MAGI2: variants seen among roughly 807,000 people sequenced by gnomAD.
The protein encoded by MAGI2 is membrane associated guanylate kinase, WW and PDZ domain containing 2.
In MAGI2, 35 loss-of-function variants were observed where a neutral mutation model predicts 133.3. That is an observed-to-expected ratio of 0.26 (90% confidence interval 0.20 to 0.35). The LOEUF is 0.35. Ranked by LOEUF, MAGI2 falls within the 10% of genes least tolerant of loss-of-function variation. The probability of loss-of-function intolerance (pLI) is 1.00; values close to 1 mark genes in which losing one functional copy is unlikely to be tolerated. For missense variants in MAGI2, 1,636 were observed against 1,863.4 expected (o/e 0.88, Z 2.25); for synonymous variants, 729 against 710.6 (o/e 1.03, Z -0.41).
At chr7:78,524,992 A>G (rs1052453562) in intron 3 of MAGI2, among the ~76,000 whole-genome samples, 1 of 151,958 alleles carries the variant, frequency 6.6e-6, no homozygotes, top group African/African-American at 2.4e-5. Context: ...AATTTCCCTG[A>G]AGTAAAAAAA....
chr7:78,892,814 C>A (rs1796878095), intron 2 of MAGI2, among the ~76,000 whole-genome samples: 1 of 152,082 alleles, frequency 6.6e-6, no homozygotes, highest in African/African-American at 2.4e-5. Context: ...AGGACATAGG[C>A]ATGGGCAAGG....
At chr7:78,611,008 C>A (rs551911368) in intron 3 of MAGI2, among the ~76,000 whole-genome samples, 1 of 152,324 alleles carries the variant, frequency 6.6e-6, no homozygotes, top group South Asian at 2.1e-4. Flanking sequence ...AGTTACTAAA[C>A]ATCTTTACGC....
intron 3 of MAGI2, among the ~76,000 whole-genome samples, chr7:78,555,199 T>C (rs1438152586): frequency 8.9e-6 from 1 of 111,940 alleles, no homozygotes; most frequent in Non-Finnish European, 1.9e-5. Flanking sequence ...GTTGGATGGA[T>C]GGATAGATAG....
Position 78,494,615 on chromosome 7 carries a change from C to A in MAGI2, c.966-4775G>T, listed in dbSNP as rs539521745. Among the ~76,000 whole-genome samples the A allele has an allele frequency of 7.2e-5, 11 of 152,246 alleles. No individual in the cohort carries two copies. The East Asian group carries it at 1.9e-3, about 27-fold the overall frequency. ...ATTAAAACATGTTCTCCTTTCCTTT[C>A]TAATTTCTTTCTGTTTTCTTTTCTT... On this transcript the variant is annotated intron_variant, in intron 5 of 21. Coordinates refer to ENST00000354212, the MANE Select transcript of MAGI2 (RefSeq NM_012301.4).
At chr7:79,210,396 G>C (rs916438189) in intron 1 of MAGI2, among the ~76,000 whole-genome samples, 1 of 152,002 alleles carries the variant, frequency 6.6e-6, no homozygotes, top group Non-Finnish European at 1.5e-5. Flanking sequence ...GATTGATCAG[G>C]ATTCCTATTT....
At chr7:78,397,366 T>TGCAC in intron 6 of MAGI2, among the ~76,000 whole-genome samples, 1 of 147,704 alleles carries the variant, frequency 6.8e-6, no homozygotes, top group South Asian at 2.1e-4. Flanking sequence ...TTGAAATTCC[T>TGCAC]ACACACACAC....
intron 2 of MAGI2, among the ~76,000 whole-genome samples, chr7:78,784,507 G>T (rs1346545538): frequency 1.3e-5 from 2 of 152,152 alleles, no homozygotes; most frequent in Non-Finnish European, 2.9e-5. Flanking sequence ...CTGTCTAGGG[G>T]TTGGCCATAA....
intron 2 of MAGI2, among the ~76,000 whole-genome samples, chr7:78,717,720 A>C (rs1358503657): frequency 2.6e-5 from 4 of 152,206 alleles, no homozygotes; most frequent in Non-Finnish European, 5.9e-5. Flanking sequence ...TATTCTTTGA[A>C]GTATTATTAT....
intron 1 of MAGI2, among the ~76,000 whole-genome samples, chr7:79,220,228 G>C (rs1830340474): frequency 6.6e-6 from 1 of 151,954 alleles, no homozygotes; most frequent in South Asian, 2.1e-4. Context: ...GGGAAGCAGG[G>C]AGGTGGGTGC....
chr7:78,736,258 C>G (rs955496480), intron 2 of MAGI2, among the ~76,000 whole-genome samples: 2 of 152,118 alleles, frequency 1.3e-5, no homozygotes, highest in African/African-American at 2.4e-5. Context: ...TATCTAATAA[C>G]AGTTTTTTTC....
rs1242394424 is a variant in MAGI2, at chr7:78,070,202, TATATATATATATATATACACAC to T, written c.3706+8723_3706+8744del. Among the ~76,000 whole-genome samples, 13 of 36,804 alleles carry T rather than the reference TATATATATATATATATACACAC, an allele frequency of 3.5e-4. No homozygotes were observed. In the South Asian group the frequency reaches 5.4e-3, roughly 15 times the overall value. The allele number at this position is 36,804 out of a possible 152,430, so 24.1% of individuals were successfully genotyped here. ...ATATATATATATATATATATATATA[TATATATATATATATATACACAC>T]ACACACACAGACATTCTGTCCCCTT... On this transcript the variant is annotated intron_variant, in intron 21 of 21. Coordinates refer to ENST00000354212, the MANE Select transcript of MAGI2 (RefSeq NM_012301.4).
intron 6 of MAGI2, among the ~76,000 whole-genome samples, chr7:78,407,227 C>T (rs997738741): frequency 3.8e-4 from 58 of 151,954 alleles, no homozygotes; most frequent in Non-Finnish European, 4.4e-5. Context: ...AGGGCCAAGT[C>T]AGATTTGGGT....
At chr7:79,382,573 C>T (rs748428148) in intron 1 of MAGI2, among the ~76,000 whole-genome samples, 3 of 151,544 alleles carry the variant, frequency 2.0e-5, no homozygotes, top group Non-Finnish European at 4.4e-5. Flanking sequence ...TGTGCCTCAG[C>T]TTCCCATTTG....
At chr7:78,362,379 G>C (rs1236257931) in intron 7 of MAGI2, among the ~76,000 whole-genome samples, 1 of 152,120 alleles carries the variant, frequency 6.6e-6, no homozygotes, top group Admixed American at 6.5e-5. Context: ...AGAAGTATTG[G>C]GAAAGAAATC....
chr7:79,392,022 C>T lies in MAGI2; in HGVS notation c.301+60998G>A, dbSNP rs188049663. ...TCCCTCCCCTTGACTCACCACCCTC[C>T]GACAGGCCCCGGTGTGTGATATTCC... On this transcript the variant is annotated intron_variant, in intron 1 of 21. Coordinates refer to ENST00000354212, the MANE Select transcript of MAGI2 (RefSeq NM_012301.4). Among the ~76,000 whole-genome samples, 5 of 152,174 alleles carry T rather than the reference C, an allele frequency of 3.3e-5. No individual in the cohort carries two copies. The East Asian group carries it at 5.8e-4, about 18-fold the overall frequency.
Position 78,550,536 on chromosome 7 carries a change from C to G in MAGI2, c.539-28891G>C, listed in dbSNP as rs894324171. ...TCTAAAATCTACTCCTGGAATAAGC[C>G]AGACAGATAGAAGACTGTTAATACC... On this transcript the variant is annotated intron_variant, in intron 3 of 21. Coordinates refer to ENST00000354212, the MANE Select transcript of MAGI2 (RefSeq NM_012301.4). Among the ~76,000 whole-genome samples, 6 of 152,264 alleles carry G rather than the reference C, an allele frequency of 3.9e-5. No individual in the cohort carries two copies. The East Asian group carries it at 9.7e-4, about 25-fold the overall frequency.
At chr7:78,302,262 T>C (rs1032768512) in intron 9 of MAGI2, among the ~76,000 whole-genome samples, 7 of 152,202 alleles carry the variant, frequency 4.6e-5, no homozygotes, top group Admixed American at 1.3e-4. Flanking sequence ...CAGTAGACTA[T>C]GGAAAAGTTC....
chr7:78,921,929 C>A (rs552568677), intron 2 of MAGI2, among the ~76,000 whole-genome samples: 1 of 151,956 alleles, frequency 6.6e-6, no homozygotes, highest in Non-Finnish European at 1.5e-5. Flanking sequence ...CCACTGTGTC[C>A]GGCCCAGATT....
In MAGI2 at chr7:78,127,274, G is replaced by C; in HGVS notation, c.3346C>G (p.Gln1116Glu). 1 of 1,607,178 alleles carries C rather than the reference G, an allele frequency of 6.2e-7. No homozygotes were observed. The highest frequency in any genetic ancestry group is 8.5e-7 in the Non-Finnish European group (1 of 1,175,544). The change falls in exon 19 of 22, where the codon CAG becomes GAG. Residue 1116 changes from glutamine (Q) to glutamate (E), a missense_variant. Around this residue, in one of 5 missense-constraint regions of MAGI2, gnomAD observed 920 missense variants for 1,093.5 expected, o/e 0.84. Transcript: ENST00000354212. ...TGCCTGTAGTCCAGTAGGGGAGGCT[G>C]CCTGTAGTCCAAGGGTGGGGGCTGC... Reference protein sequence around the residue: ...YQQPPPLDYRQPPLLDYRQHS... With the variant: ...YQQPPPLDYREPPLLDYRQHS...
Sources: gnomAD v4.1 joint callset for allele counts (sites outside exome capture counted in the v4.1 genomes callset) on GRCh38, gnomAD v4.1.1 for gene constraint, gnomAD v4.1.1 regional missense constraint, MANE v1.5 for transcripts, NCBI Gene and HGNC (gene_info 2026-07-23, HGNC 2026-07-21) for gene names.